SLC7A2: variants seen among roughly 807,000 people sequenced by gnomAD.
The protein encoded by SLC7A2 is cationic amino acid transporter 2.
A neutral mutation model predicts 58.9 loss-of-function variants in SLC7A2; 48 were observed. The observed-to-expected ratio is 0.82, with a 90% CI of 0.65 to 1.04. The LOEUF (loss-of-function observed/expected upper bound fraction) is 1.04. Among genes scored for constraint, SLC7A2 ranks in the 50% least tolerant of loss-of-function variants. The pLI is 0.00. For missense variants in SLC7A2, 1,029 were observed against 818.8 expected, an observed-to-expected ratio of 1.26 and a Z score of -3.13; for synonymous variants, 363 against 314.5, an observed-to-expected ratio of 1.15 and a Z score of -1.63.
At position 17,558,831 on chromosome 8, in the gene SLC7A2, A is replaced by G. The variant is rs150997080; in HGVS notation, c.1298+434A>G. Among the ~76,000 whole-genome samples, 578 of 152,348 alleles carry G rather than the reference A, an allele frequency of 3.8e-3. 6 individuals carry two copies. The highest frequency in any genetic ancestry group is 0.03 in the South Asian group (143 of 4,818). On this transcript the variant is annotated intron_variant, in intron 9 of 12. Coordinates refer to ENST00000494857, the MANE Select transcript of SLC7A2 (RefSeq NM_001370338.1). ...GGAGTGGTTAAATAAATGAGGCTACATTTGTTCACTGAACTCTTCTACAGC... is the reference window on the plus strand; with the variant it reads ...GGAGTGGTTAAATAAATGAGGCTACGTTTGTTCACTGAACTCTTCTACAGC...
At chr8:17,564,761 CTT>C (rs1450830010) in intron 12 of SLC7A2, among the ~76,000 whole-genome samples, 187 bp from the exon 13 acceptor site, 65 of 152,294 alleles carry the variant, frequency 4.3e-4, no homozygotes, top group African/African-American at 1.5e-3. Context: ...TGCTTGCTCA[CTT>C]CCTGTTGTGT....
intron 2 of SLC7A2, among the ~76,000 whole-genome samples, chr8:17,511,789 T>A (rs962754877): frequency 1.1e-4 from 16 of 152,122 alleles, no homozygotes; most frequent in African/African-American, 2.9e-4. Context: ...CTTGAAAAAA[T>A]TTTCCATTTA....
At chr8:17,521,584 C>T (rs924292707) in intron 2 of SLC7A2, among the ~76,000 whole-genome samples, 12 of 152,200 alleles carry the variant, frequency 7.9e-5, no homozygotes, top group East Asian at 3.8e-4. Context: ...TGAAGACAGC[C>T]GTGGCAGGAG....
chr8:17,548,249 G>A (rs1052656425), intron 4 of SLC7A2, among the ~76,000 whole-genome samples: 28 of 152,182 alleles, frequency 1.8e-4, no homozygotes, highest in Admixed American at 9.8e-4. Flanking sequence ...GCTGAGGTGA[G>A]AGAATTGTTT....
chr8:17,547,515 A>C (rs528540972), intron 4 of SLC7A2, among the ~76,000 whole-genome samples: 1 of 152,204 alleles, frequency 6.6e-6, no homozygotes, highest in Admixed American at 6.5e-5. Flanking sequence ...AATTGAGCCA[A>C]ACTTTCCAGA....
At chr8:17,503,480 G>A (rs926881814) in intron 2 of SLC7A2, among the ~76,000 whole-genome samples, 1 of 152,306 alleles carries the variant, frequency 6.6e-6, no homozygotes, top group South Asian at 2.1e-4. Context: ...CTAGCAAAGA[G>A]TACTTATTAT....
At chr8:17,536,808 C>T (rs138162740) in intron 2 of SLC7A2, among the ~76,000 whole-genome samples, 2,360 of 152,140 alleles carry the variant, frequency 0.016, 25 homozygotes, top group Middle Eastern at 0.061. Flanking sequence ...GAAGCAGGCC[C>T]GCTCAGTACC....
chr8:17,510,468 A>G (rs1358735263), intron 2 of SLC7A2: 1 of 152,142 alleles, frequency 6.6e-6, no homozygotes, highest in Non-Finnish European at 1.5e-5. Context: ...AAGCGTTCCT[A>G]TTTCTCCACA....
intron 7 of SLC7A2, among the ~76,000 whole-genome samples, chr8:17,554,160 T>G (rs181076027): frequency 2.6e-5 from 4 of 152,328 alleles, no homozygotes; most frequent in Admixed American, 2.6e-4. Context: ...ACTTAGTCTT[T>G]TCTTTAATTA....
chr8:17,494,276 T>G (rs1035686202), upstream of SLC7A2, among the ~76,000 whole-genome samples: 2 of 152,176 alleles, frequency 1.3e-5, no homozygotes, highest in East Asian at 3.9e-4. Flanking sequence ...GGGTGTGGAA[T>G]TTATTCAGCT....
At chr8:17,524,397 T>C (rs1388362528) in intron 2 of SLC7A2, among the ~76,000 whole-genome samples, 2 of 140,660 alleles carry the variant, frequency 1.4e-5, no homozygotes, top group Non-Finnish European at 3.1e-5. Flanking sequence ...AAATGTGAGA[T>C]ATACATATAT....
intron 7 of SLC7A2, among the ~76,000 whole-genome samples, chr8:17,552,377 G>C (rs1255704532): frequency 6.6e-6 from 1 of 152,180 alleles, no homozygotes; most frequent in Non-Finnish European, 1.5e-5. Context: ...TCAGACATCT[G>C]AGAATGTATG....
intron 10 of SLC7A2, among the ~76,000 whole-genome samples, chr8:17,560,834 C>T (rs559707814): frequency 9.2e-5 from 14 of 152,322 alleles, no homozygotes; most frequent in South Asian, 4.1e-4. Context: ...CATCAGGCCA[C>T]GTACCCCTGC....
intron 7 of SLC7A2, among the ~76,000 whole-genome samples, chr8:17,553,778 A>G (rs1372472754): frequency 6.6e-6 from 1 of 152,200 alleles, no homozygotes; most frequent in East Asian, 1.9e-4. Context: ...TCCCTGTCGC[A>G]AATAAAATAA....
rs747004476 is a variant in SLC7A2 at position 17,561,941 on chromosome 8, C to A, written c.1505-3C>A. The A allele has an allele frequency of 6.2e-6, 10 of 1,613,878 alleles. No individual in the cohort carries two copies. The highest frequency in any genetic ancestry group is 8.5e-6 in the Non-Finnish European group (10 of 1,179,890). The stretch of plus-strand genomic sequence containing the variant: ...ACTCTGTTATCTACACATCCCCCTG[C>A]AGCTTTCCTCGTGTTGGGCCTGAGT... On this transcript the variant is annotated splice_polypyrimidine_tract_variant and splice_region_variant and intron_variant, in intron 10 of 12. Transcript: ENST00000494857.
chr8:17,538,962 G>T (rs761354184), intron 2 of SLC7A2: 1 of 1,574,022 alleles, frequency 6.4e-7, no homozygotes, highest in South Asian at 1.1e-5. Flanking sequence ...TGATATAGAA[G>T]ATTAAGTTTG....
In SLC7A2 at chr8:17,543,625, A is replaced by G. The variant is rs771121767; in HGVS notation, c.286A>G (p.Thr96Ala). ...YAEFGARVPK[T>A]GSAYLYTYVT... ...CGAATTTGGGGCCCGTGTTCCCAAG[A>G]CGGGGTCTGCATATTTGTACACCTA... The change falls in exon 3 of 13, where the codon ACG becomes GCG. Residue 96 changes from threonine to alanine, a missense_variant. Transcript: ENST00000494857. The G allele has an allele frequency of 6.3e-7, 1 of 1,593,386 alleles. No individual in the cohort carries two copies. Among genetic ancestry groups the G allele is most frequent in the Admixed American group, 1.7e-5 (1 of 57,476 alleles).
intron 8 of SLC7A2, among the ~76,000 whole-genome samples, chr8:17,558,094 G>A (rs1465024908): frequency 6.6e-6 from 1 of 152,034 alleles, no homozygotes; most frequent in Non-Finnish European, 1.5e-5. Flanking sequence ...GAGAGCTGAG[G>A]GTTTTTGAAG....
rs908797867 is a variant in SLC7A2 at position 17,500,648 on chromosome 8, G to T, written c.-68-1609G>T. The T allele has an allele frequency of 3.3e-5, 5 of 152,204 alleles. 1 individual carries two copies. The highest frequency in any genetic ancestry group is 1.2e-4 in the African/African-American group (5 of 41,438). 9.4% of individuals were successfully genotyped at this position (152,204 alleles called of 1,614,324 possible). On this transcript the variant is annotated intron_variant, in intron 1 of 12. Transcript: ENST00000494857. The stretch of plus-strand genomic sequence containing the variant: ...AAATAAAAATACAAAAATTAGCCAG[G>T]TTTGGTGGCAGGTGCCTGTAATCCC...
Sources: allele counts gnomAD v4.1 joint callset (sites outside exome capture counted in the v4.1 genomes callset), GRCh38; gene constraint gnomAD v4.1.1; transcripts MANE v1.5; gene names NCBI Gene and HGNC (gene_info 2026-07-23, HGNC 2026-07-21).